CDK5RAP1: variants seen among roughly 807,000 people sequenced by gnomAD.
CDK5RAP1 encodes CDK5RAP1 mitochondrial tRNA methylthiotransferase, also known as mitochondrial tRNA methylthiotransferase CDK5RAP1.
Under a neutral mutation model 64.5 loss-of-function variants are expected in CDK5RAP1, and 62 were observed. The observed-to-expected ratio is 0.96, with a 90% CI of 0.78 to 1.19. The LOEUF is 1.19. Among genes scored for constraint, CDK5RAP1 ranks in the 50% most tolerant of loss-of-function variants. The probability of loss-of-function intolerance (pLI) is 0.00; values close to 1 mark genes in which losing one functional copy is unlikely to be tolerated. For synonymous variants in CDK5RAP1, 250 were observed against 261.9 expected (o/e 0.95, Z 0.44); for missense variants, 657 against 735.0 (o/e 0.89, Z 1.23).
chr20:33,371,403 C>T (rs1281373332), intron 10 of CDK5RAP1, among the ~76,000 whole-genome samples: 1 of 152,228 alleles, frequency 6.6e-6, no homozygotes, highest in African/African-American at 2.4e-5. Flanking sequence ...TGCTATCACA[C>T]AGCCTGTAAC....
chr20:33,395,622 A>C (rs1279888395), intron 2 of CDK5RAP1, among the ~76,000 whole-genome samples: 1 of 152,186 alleles, frequency 6.6e-6, no homozygotes, highest in Non-Finnish European at 1.5e-5. Context: ...AATATACCAC[A>C]TTATATATCC....
At chr20:33,389,272 C>T (rs1476659258) in intron 5 of CDK5RAP1, among the ~76,000 whole-genome samples, 4 of 151,830 alleles carry the variant, frequency 2.6e-5, no homozygotes, top group South Asian at 2.1e-4. Flanking sequence ...TCTGCCCGGC[C>T]GCGACCCCGT....
chr20:33,378,666 AC>A (rs1568701350), intron 8 of CDK5RAP1, among the ~76,000 whole-genome samples: 1 of 152,122 alleles, frequency 6.6e-6, no homozygotes, highest in African/African-American at 2.4e-5. Flanking sequence ...CCCCTTATTA[AC>A]CCCATTTTAC....
chr20:33,400,394 G>A (rs1247783497), intron 1 of CDK5RAP1, among the ~76,000 whole-genome samples: 1 of 152,174 alleles, frequency 6.6e-6, no homozygotes, highest in East Asian at 1.9e-4. Context: ...CTTAAAGTGT[G>A]AACTTTAAAA....
rs375505184 is a variant in CDK5RAP1, at chr20:33,370,502, T to C, written c.1389A>G (p.Arg463=). Residue 463 remains arginine (R), a synonymous_variant, in exon 11 of 14, where the codon AGA becomes AGG. Transcript: ENST00000346416. ...CCTCCCCAACCCCAGGGCTCACCTGTCTCATGCTGTAGGCAAAGAGGAAGC... is the reference window on the plus strand; with the variant it reads ...CCTCCCCAACCCCAGGGCTCACCTGCCTCATGCTGTAGGCAAAGAGGAAGC... ...NMGFLFAYSM[R]QKTRAYHRLK... 7.6e-5 allele frequency: 123 copies of C among 1,613,970 alleles called. No homozygotes were observed. Among genetic ancestry groups the C allele is most frequent in the South Asian group, 7.4e-4 (67 of 91,086 alleles).
chr20:33,401,309 A>G (rs942262473), intron 1 of CDK5RAP1, 119 bp downstream of exon 1: 10 of 771,588 alleles, frequency 1.3e-5, no homozygotes, highest in Non-Finnish European at 1.6e-5. Context: ...CCCACGCCAT[A>G]ACCACCGTGC....
At position 33,359,969 on chromosome 20, in the gene CDK5RAP1, G is replaced by A. The variant is rs550857127; in HGVS notation, c.1683+382C>T. Reference sequence around the variant, plus strand: ...TCCAGGGAAGAGACCCAAGAAACTCGAGCACATGTAAGTTAAAGAGGCCTG... The same window carrying A: ...TCCAGGGAAGAGACCCAAGAAACTCAAGCACATGTAAGTTAAAGAGGCCTG... On this transcript the variant is annotated intron_variant, in intron 13 of 13. Coordinates refer to ENST00000346416, the MANE Select transcript of CDK5RAP1 (RefSeq NM_016408.4). The A allele has an allele frequency of 1.3e-4, 23 of 173,644 alleles. No individual in the cohort carries two copies. In the South Asian group the frequency reaches 2.7e-3, roughly 20 times the overall value. The allele number at this position is 173,644 out of a possible 1,614,324, so 10.8% of individuals were successfully genotyped here.
At chr20:33,399,175 T>A (rs1443932205) in intron 1 of CDK5RAP1, among the ~76,000 whole-genome samples, 4 of 151,944 alleles carry the variant, frequency 2.6e-5, no homozygotes, top group Admixed American at 1.3e-4. Flanking sequence ...TTTTTTTTTT[T>A]AATTTTCTGA....
rs1020110229 is a variant in CDK5RAP1 at position 33,379,488 on chromosome 20, A to T, written c.1080T>A (p.Ser360=). 4 of 1,613,404 alleles carry T rather than the reference A, an allele frequency of 2.5e-6. No individual in the cohort carries two copies. The highest frequency in any genetic ancestry group is 3.4e-6 in the Non-Finnish European group (4 of 1,179,476). The change falls in exon 8 of 14, where the codon TCT becomes TCA. Residue 360 remains serine (S), a synonymous_variant. Transcript: ENST00000346416. ...VDPEMRIRFT[S]PHPKDFPDEV... ...CATCAGGAAAATCCTTGGGGTGGGG[A>T]GAGGTAAAACGGATCCTCATTTCAG...
intron 4 of CDK5RAP1, among the ~76,000 whole-genome samples, chr20:33,392,511 T>C (rs1988437531): frequency 1.3e-5 from 2 of 150,120 alleles, no homozygotes. Context: ...TTAGTGTTAG[T>C]GTATCTTATG....
intron 12 of CDK5RAP1, 77 bp downstream of exon 12, chr20:33,366,782 C>A: frequency 7.0e-7 from 1 of 1,425,216 alleles, no homozygotes; most frequent in Non-Finnish European, 9.5e-7. Context: ...GCCTAGGCAA[C>A]ATAATGAGGA....
intron 11 of CDK5RAP1, 152 bp downstream of exon 11, chr20:33,370,347 T>C: frequency 9.1e-6 from 6 of 655,940 alleles, no homozygotes; most frequent in South Asian, 2.4e-5. Context: ...GTAGACAGAG[T>C]GTACTAGAAA....
chr20:33,392,697 C>T (rs1326502494), intron 4 of CDK5RAP1, among the ~76,000 whole-genome samples: 1 of 152,096 alleles, frequency 6.6e-6, no homozygotes, highest in Non-Finnish European at 1.5e-5. Context: ...ATCCTTCCTA[C>T]ACATCTTCAA....
intron 5 of CDK5RAP1, among the ~76,000 whole-genome samples, chr20:33,391,437 G>A (rs1394888925): frequency 2.6e-5 from 4 of 152,134 alleles, no homozygotes; most frequent in African/African-American, 9.7e-5. Context: ...ATAGCCACAT[G>A]TGGCTAGTGG....
chr20:33,361,232 G>C (rs185969383), intron 12 of CDK5RAP1, among the ~76,000 whole-genome samples: 2 of 152,140 alleles, frequency 1.3e-5, no homozygotes, highest in African/African-American at 2.4e-5. Context: ...GAAGCAGGAG[G>C]GGAGAGCTCA....
At position 33,373,844 on chromosome 20, in the gene CDK5RAP1, C is replaced by T. The variant is rs965111589; in HGVS notation, c.1205+271G>A. The stretch of plus-strand genomic sequence containing the variant: ...TCCAGTGCCCTGTGGCTTAGTCATA[C>T]AATAAATACTTACTGTCACACAGTG... On this transcript the variant is annotated intron_variant, in intron 9 of 13. Transcript: ENST00000346416. 3.8e-5 allele frequency: 17 copies of T among 452,118 alleles called. No individual in the cohort carries two copies. In the East Asian group the frequency reaches 5.4e-4, roughly 14 times the overall value. 28.0% of individuals were successfully genotyped at this position (452,118 alleles called of 1,614,324 possible). A position where few individuals can be genotyped will look rare whatever the true frequency, so the allele number is the denominator to read the frequency against.
At chr20:33,387,941 C>T (rs1006143191) in intron 5 of CDK5RAP1, among the ~76,000 whole-genome samples, 1 of 152,006 alleles carries the variant, frequency 6.6e-6, no homozygotes, top group African/African-American at 2.4e-5. Flanking sequence ...TGGCACATGC[C>T]TGTAATCCCA....
Position 33,370,529 on chromosome 20 carries a change from C to T in CDK5RAP1, c.1362G>A (p.Met454Ile), listed in dbSNP as rs769980619. The change falls in exon 11 of 14, where the codon ATG becomes ATA. Residue 454 changes from methionine to isoleucine, a missense_variant. Physicochemically the swap from Met to Ile is conservative, Grantham distance 10 (BLOSUM62 1). Coordinates refer to ENST00000346416, the MANE Select transcript of CDK5RAP1 (RefSeq NM_016408.4). ...TCATGCTGTAGGCAAAGAGGAAGCC[C>T]ATGTTGTACTGAACTTCCCGGAGCA... ...VSLLREVQYN[M>I]GFLFAYSMRQ... The T allele has an allele frequency of 1.2e-6, 2 of 1,614,154 alleles. No individual in the cohort carries two copies. Among genetic ancestry groups the T allele is most frequent in the East Asian group, 4.5e-5 (2 of 44,878 alleles).
chr20:33,400,715 T>C (rs972426730), intron 1 of CDK5RAP1, among the ~76,000 whole-genome samples: 1 of 152,048 alleles, frequency 6.6e-6, no homozygotes, highest in Non-Finnish European at 1.5e-5. Flanking sequence ...CCCAGGAGGC[T>C]GAGGCAGGAG....
Sources: gnomAD v4.1 joint callset for allele counts (sites outside exome capture counted in the v4.1 genomes callset) on GRCh38, gnomAD v4.1.1 for gene constraint, MANE v1.5 for transcripts, NCBI Gene and HGNC (gene_info 2026-07-23, HGNC 2026-07-21) for gene names.